CPNE1: variants seen among roughly 807,000 people sequenced by gnomAD.
CPNE1 encodes the protein copine-1.
A neutral mutation model predicts 63.2 loss-of-function variants in CPNE1; 58 were observed. That is an observed-to-expected ratio of 0.92 (90% CI 0.74 to 1.14). The LOEUF (loss-of-function observed/expected upper bound fraction) is 1.14, where lower values mean the gene tolerates loss of function less well. CPNE1 is among the 50% of genes most tolerant of loss of function. The pLI, the probability that CPNE1 is intolerant of heterozygous loss-of-function variation, is 0.00. For missense variants in CPNE1, 672 were observed against 661.7 expected, an observed-to-expected ratio of 1.02 and a Z score of -0.17; for synonymous variants, 237 against 249.0, an observed-to-expected ratio of 0.95 and a Z score of 0.45.
intron 1 of CPNE1, among the ~76,000 whole-genome samples, chr20:35,655,791 T>C (rs1179008556): frequency 6.6e-6 from 1 of 152,328 alleles, no homozygotes; most frequent in Non-Finnish European, 1.5e-5. Context: ...GATAATTTCA[T>C]AGAATTATCA....
At position 35,626,133 on chromosome 20, in the gene CPNE1, CA is replaced by C. The variant is rs771002167; in HGVS notation, c.*107del. 1 of 1,182,212 alleles carries C rather than the reference CA, an allele frequency of 8.5e-7. No individual in the cohort carries two copies. Among genetic ancestry groups the C allele is most frequent in the Admixed American group, 1.9e-5 (1 of 53,338 alleles). 73.2% of individuals were successfully genotyped at this position (1,182,212 alleles called of 1,614,324 possible). Reference sequence around the variant, plus strand: ...AAAGCAGAAACAAGTATAAAAGTATCAAAAAATACAAAGTGCTAGCACTGAG... The same window carrying C: ...AAAGCAGAAACAAGTATAAAAGTATCAAAAATACAAAGTGCTAGCACTGAG... On this transcript the variant is annotated 3_prime_UTR_variant, in exon 16 of 16. Coordinates refer to ENST00000397443, the MANE Select transcript of CPNE1 (RefSeq NM_152925.3).
chr20:35,654,127 C>T (rs900615829), intron 1 of CPNE1: 4 of 1,614,032 alleles, frequency 2.5e-6, no homozygotes, highest in Non-Finnish European at 3.4e-6. Context: ...ATGAGTTTGT[C>T]CAGAAGGTCC....
At chr20:35,653,214 T>C in intron 1 of CPNE1, 1 of 1,613,530 alleles carries the variant, frequency 6.2e-7, no homozygotes, top group South Asian at 1.1e-5. Context: ...AGGCATGCTC[T>C]TCACCTCCTG....
intron 1 of CPNE1, chr20:35,654,782 G>T: frequency 6.2e-7 from 1 of 1,614,126 alleles, no homozygotes; most frequent in South Asian, 1.1e-5. Flanking sequence ...GTGTTCATTG[G>T]AGAGGCTGTG....
intron 1 of CPNE1, among the ~76,000 whole-genome samples, chr20:35,643,630 CT>C (rs1381588427): frequency 6.6e-6 from 1 of 152,084 alleles, no homozygotes; most frequent in Non-Finnish European, 1.5e-5. Context: ...GTAATCCCAG[CT>C]ACTTGGCAGG....
At position 35,631,260 on chromosome 20, in the gene CPNE1, T is replaced by C. The variant is rs1329698076; in HGVS notation, c.801+8A>G. Reference sequence around the variant, plus strand: ...TCAGAGCCTTGGTTACATGGGCTTTTGTCTCACCCGACAAATCTTGACACG... The same window carrying C: ...TCAGAGCCTTGGTTACATGGGCTTTCGTCTCACCCGACAAATCTTGACACG... On this transcript the variant is annotated splice_region_variant and intron_variant, in intron 9 of 15. Transcript: ENST00000397443. The C allele has an allele frequency of 5.8e-5, 93 of 1,614,068 alleles. No individual in the cohort carries two copies. Among genetic ancestry groups the C allele is most frequent in the Middle Eastern group, 1.6e-4 (1 of 6,084 alleles).
chr20:35,649,058 G>A (rs1338121218), intron 1 of CPNE1: 1 of 152,606 alleles, frequency 6.6e-6, no homozygotes, highest in Non-Finnish European at 1.5e-5. Context: ...GCAATGTTGT[G>A]GCCATATTGG....
chr20:35,631,284 C>T lies in CPNE1; in HGVS notation c.785G>A (p.Arg262His), dbSNP rs554567058. The change falls in exon 9 of 16, where the codon CGT becomes CAT. Residue 262 changes from arginine (R) to histidine (H), a missense_variant. Physicochemically the swap from Arg to His is conservative, Grantham distance 29. Transcript: ENST00000397443. ...TTGTCTCACCCGACAAATCTTGACA[C>T]GGATAGTTCCAGAGTTCTTGTAGCT... Reference protein sequence around the residue: ...KKSYKNSGTIRVKICRVETEY... With the variant: ...KKSYKNSGTIHVKICRVETEY... 5.3e-5 allele frequency: 86 copies of T among 1,614,056 alleles called. No homozygotes were observed. The highest frequency in any genetic ancestry group is 1.4e-4 in the South Asian group (13 of 91,082).
At chr20:35,635,683 C>T (rs1325167727) in intron 1 of CPNE1, among the ~76,000 whole-genome samples, 2 of 152,174 alleles carry the variant, frequency 1.3e-5, no homozygotes, top group Non-Finnish European at 2.9e-5. Flanking sequence ...AGATCTTTCA[C>T]TGAGCTTCAC....
At chr20:35,627,524 T>C in intron 13 of CPNE1, 111 bp from the exon 14 acceptor site, 2 of 1,095,714 alleles carry the variant, frequency 1.8e-6, no homozygotes, top group Non-Finnish European at 2.6e-6. Context: ...GTGCATTTCA[T>C]TCATTCACCC....
chr20:35,663,928 C>T (rs957122937), intron 1 of CPNE1, among the ~76,000 whole-genome samples: 1 of 152,248 alleles, frequency 6.6e-6, no homozygotes, highest in Non-Finnish European at 1.5e-5. Flanking sequence ...CCGCAGCCCA[C>T]TGGATCTCGT....
chr20:35,639,707 A>C lies in CPNE1; in HGVS notation c.1-6784T>G, dbSNP rs767035943. On this transcript the variant is annotated intron_variant, in intron 1 of 15. Transcript: ENST00000397443. ...GGTTGTTGTGAATGACAAAAGCATT[A>C]GCAGTGATTATTTGGGGTGGTAAGA... is the stretch of plus-strand genomic sequence containing the variant. 8.8e-4 allele frequency among the ~76,000 whole-genome samples: 134 copies of C among 152,200 alleles called. 2 individuals are homozygous for C. The highest frequency in any genetic ancestry group is 3.2e-4 in the Non-Finnish European group (22 of 68,038).
intron 1 of CPNE1, chr20:35,643,463 A>C (rs1336429045): frequency 1.3e-5 from 2 of 152,194 alleles, no homozygotes; most frequent in East Asian, 3.9e-4. Context: ...ACTTCAAAAT[A>C]AGTTCAGGCA....
At chr20:35,628,008 G>A (rs951659593) in intron 13 of CPNE1, among the ~76,000 whole-genome samples, 1 of 151,996 alleles carries the variant, frequency 6.6e-6, no homozygotes, top group Non-Finnish European at 1.5e-5. Context: ...AAGGCCGGGC[G>A]CAGTGGCTCA....
chr20:35,661,570 T>G (rs1035632553), intron 1 of CPNE1, among the ~76,000 whole-genome samples: 3 of 152,220 alleles, frequency 2.0e-5, no homozygotes, highest in Non-Finnish European at 4.4e-5. Context: ...CCATTCATAT[T>G]ATCAGGAATT....
In CPNE1 at chr20:35,635,990, T is replaced by C. The variant is rs571448528; in HGVS notation, c.1-3067A>G. Among the ~76,000 whole-genome samples the C allele has an allele frequency of 4.6e-5, 7 of 152,320 alleles. No homozygotes were observed. The South Asian group carries it at 1.5e-3, about 32-fold the overall frequency. On this transcript the variant is annotated intron_variant, in intron 1 of 15. Coordinates refer to ENST00000397443, the MANE Select transcript of CPNE1 (RefSeq NM_152925.3). ...AGGTCCATACAAATCCTACCCAAAC[T>C]GACCTAACTCTGTGGAATTCTTACT...
chr20:35,655,011 T>C, intron 1 of CPNE1: 1 of 1,614,212 alleles, frequency 6.2e-7, no homozygotes, highest in Non-Finnish European at 8.5e-7. Context: ...GTGGTCCTGA[T>C]CTACTGGCAT....
chr20:35,626,296 G>A lies in CPNE1; in HGVS notation c.1559C>T (p.Pro520Leu), dbSNP rs142770190. The change falls in exon 16 of 16, where the codon CCG (proline) becomes CTG (leucine). Residue 520 changes from proline (P) to leucine (L), a missense_variant. Pro to Leu is a moderately conservative substitution (Grantham distance 98, BLOSUM62 -3). Coordinates refer to ENST00000397443, the MANE Select transcript of CPNE1 (RefSeq NM_152925.3). Reference protein sequence around the residue: ...VSYFRAQGWAPLKPLPPSAKD... With the variant: ...VSYFRAQGWALLKPLPPSAKD... Reference sequence around the variant, plus strand: ...GGCTGAGGGTGGAAGTGGCTTGAGCGGGGCCCAACCCTGGGCCCTGAAGTA... The same window carrying A: ...GGCTGAGGGTGGAAGTGGCTTGAGCAGGGCCCAACCCTGGGCCCTGAAGTA... 1.1e-4 allele frequency: 172 copies of A among 1,613,874 alleles called. No homozygotes were observed. The highest frequency in any genetic ancestry group is 1.4e-4 in the Non-Finnish European group (162 of 1,179,932).
intron 1 of CPNE1, among the ~76,000 whole-genome samples, chr20:35,633,898 GCAGTGAGCCGAGACTGTGC>G (rs2032321903): frequency 7.6e-6 from 1 of 130,736 alleles, no homozygotes; most frequent in African/African-American, 3.0e-5. Flanking sequence ...GGTGGAGGTT[GCAGTGAGCCGAGACTGTGC>G]CACTGTACTC....
Sources: gnomAD v4.1 joint callset for allele counts (sites outside exome capture counted in the v4.1 genomes callset) on GRCh38, gnomAD v4.1.1 for gene constraint, MANE v1.5 for transcripts, NCBI Gene and HGNC (gene_info 2026-07-23, HGNC 2026-07-21) for gene names.